The following SPPL3 variants were observed in gnomAD, a reference collection of about 807,000 sequenced individuals.
SPPL3 encodes the protein signal peptide peptidase-like 3.
A neutral mutation model predicts 42.4 loss-of-function variants in SPPL3; 5 were observed. The ratio of observed to expected loss-of-function variants is 0.12; its 90% CI spans 0.06 to 0.25. The LOEUF is 0.25. Among genes scored for constraint, SPPL3 ranks in the 10% least tolerant of loss-of-function variants. The pLI, the probability that SPPL3 is intolerant of heterozygous loss-of-function variation, is 1.00. For missense variants in SPPL3, 235 were observed against 489.0 expected (o/e 0.48, Z 4.90); for synonymous variants, 195 against 181.8 (o/e 1.07, Z -0.58).
rs3050392 is a variant in SPPL3, at chr12:120,789,824, C to CAAAAAAAAAA, written c.190+1635_190+1644dup. On this transcript the variant is annotated intron_variant, in intron 3 of 10. Coordinates refer to ENST00000353487, the MANE Select transcript of SPPL3 (RefSeq NM_139015.5). ...TGAATGACAGAGCAAGACTCCGTCT[C>CAAAAAAAAAA]AAAAAAAAAAAAAAAAAAAAAAAAA... Among the ~76,000 whole-genome samples, 278 of 30,456 alleles carry CAAAAAAAAAA rather than the reference C, an allele frequency of 9.1e-3. 38 individuals are homozygous for CAAAAAAAAAA. The highest frequency in any genetic ancestry group is 0.045 in the East Asian group (24 of 532). 20.0% of individuals were successfully genotyped at this position (30,456 alleles called of 152,430 possible).
At position 120,767,530 on chromosome 12, in the gene SPPL3, T is replaced by C. The variant is rs1318446459; in HGVS notation, c.837A>G (p.Leu279=). 26 of 1,614,078 alleles carry C rather than the reference T, an allele frequency of 1.6e-5. No homozygotes were observed. Among genetic ancestry groups the C allele is most frequent in the Non-Finnish European group, 2.1e-5 (25 of 1,180,038 alleles). ...IGDIVMPGLL[L]CFVLRYDNYK... is the part of the protein sequence containing the mutation. ...AGTTGTCATAGCGAAGGACAAAGCA[T>C]AGTAGGAGACCAGGCATAACGATGT... The change falls in exon 9 of 11, where the codon CTA becomes CTG. Residue 279 remains leucine (L), a synonymous_variant. Transcript: ENST00000353487.
intron 6 of SPPL3, among the ~76,000 whole-genome samples, chr12:120,771,900 C>CGCTCTACCCA (rs1247441278): frequency 6.6e-6 from 1 of 152,234 alleles, no homozygotes; most frequent in African/African-American, 2.4e-5. Context: ...GTTCTTTTCA[C>CGCTCTACCCA]GCTCTACCCA....
intron 1 of SPPL3, among the ~76,000 whole-genome samples, chr12:120,897,452 G>A (rs11065319): frequency 0.19 from 29,539 of 152,086 alleles, 4,526 homozygotes; most frequent in African/African-American, 0.41. Context: ...GGCCGGGAGC[G>A]GTGGCTCACA....
At chr12:120,890,554 A>G (rs1232860173) in intron 1 of SPPL3, among the ~76,000 whole-genome samples, 1 of 143,162 alleles carries the variant, frequency 7.0e-6, no homozygotes, top group African/African-American at 2.6e-5. Context: ...GCGCCATTGT[A>G]CTCCAGCCTG....
At chr12:120,871,131 A>AAAAAAAAAAAAAAAAAAAG (rs1872909564) in intron 1 of SPPL3, among the ~76,000 whole-genome samples, 1 of 69,406 alleles carries the variant, frequency 1.4e-5, no homozygotes, top group Non-Finnish European at 3.3e-5. Flanking sequence ...CTCCGTCTCC[A>AAAAAAAAAAAAAAAAAAAG]AAAAAAAAAA....
At chr12:120,837,614 G>A (rs142301662) in intron 1 of SPPL3, among the ~76,000 whole-genome samples, 89 of 152,030 alleles carry the variant, frequency 5.9e-4, no homozygotes, top group African/African-American at 1.8e-3. Flanking sequence ...TTATCAGAAG[G>A]GAATGCGATT....
chr12:120,902,176 C>A (rs1874002715), intron 1 of SPPL3, among the ~76,000 whole-genome samples: 1 of 152,214 alleles, frequency 6.6e-6, no homozygotes, highest in African/African-American at 2.4e-5. Flanking sequence ...TTAGCTTAAA[C>A]CTCTTTTTAG....
At chr12:120,885,426 C>T (rs1168956) in intron 1 of SPPL3, among the ~76,000 whole-genome samples, 36,426 of 152,008 alleles carry the variant, frequency 0.24, 5,558 homozygotes, top group Non-Finnish European at 0.35. Context: ...CAGGGTATAG[C>T]ATGTAAATTA....
chr12:120,828,672 G>A (rs781095681), intron 1 of SPPL3, among the ~76,000 whole-genome samples: 6 of 152,324 alleles, frequency 3.9e-5, no homozygotes, highest in Middle Eastern at 3.4e-3. Context: ...AGGAATACAC[G>A]TACTGTTCAA....
intron 1 of SPPL3, among the ~76,000 whole-genome samples, chr12:120,814,550 C>T (rs1030176140): frequency 2.0e-5 from 3 of 152,076 alleles, no homozygotes; most frequent in Non-Finnish European, 2.9e-5. Context: ...ATAATCTTTG[C>T]ACACATCTTC....
At chr12:120,842,197 G>A (rs192599166) in intron 1 of SPPL3, among the ~76,000 whole-genome samples, 22 of 152,250 alleles carry the variant, frequency 1.4e-4, no homozygotes, top group Admixed American at 2.6e-4. Flanking sequence ...ATAGAAAGTT[G>A]GCATTTTTTA....
At chr12:120,887,478 C>G (rs1343127665) in intron 1 of SPPL3, among the ~76,000 whole-genome samples, 1 of 152,140 alleles carries the variant, frequency 6.6e-6, no homozygotes, top group Non-Finnish European at 1.5e-5. Context: ...CACTCCTAGT[C>G]CCAAGCTTAC....
chr12:120,836,562 CT>C (rs34331497), intron 1 of SPPL3, among the ~76,000 whole-genome samples: 73,320 of 151,908 alleles, frequency 0.48, 17,863 homozygotes, highest in East Asian at 0.56. Context: ...AACTGAGCCC[CT>C]GCCCAAATGC....
intron 1 of SPPL3, among the ~76,000 whole-genome samples, chr12:120,834,116 A>C (rs1827185776): frequency 6.6e-6 from 1 of 152,184 alleles, no homozygotes; most frequent in Non-Finnish European, 1.5e-5. Context: ...CACAGTTAGA[A>C]CCAGTTTTAC....
Position 120,873,339 on chromosome 12 carries a change from C to G in SPPL3, c.23+30506G>C, listed in dbSNP as rs1872985187. 2.0e-5 allele frequency among the ~76,000 whole-genome samples: 3 copies of G among 151,950 alleles called. No individual in the cohort carries two copies. In the South Asian group the frequency reaches 6.3e-4, roughly 32 times the overall value. On this transcript the variant is annotated intron_variant, in intron 1 of 10. Transcript: ENST00000353487. ...GATCAAGTGGTCTAACACAGCTGAA[C>G]TAGAATACAGGAAGGGCAAAAGGGA...
At chr12:120,771,606 A>G (rs1869126583) in intron 6 of SPPL3, among the ~76,000 whole-genome samples, 1 of 152,030 alleles carries the variant, frequency 6.6e-6, no homozygotes, top group African/African-American at 2.4e-5. Flanking sequence ...AGGTTCCCCG[A>G]GAGCATGGCT....
intron 1 of SPPL3, among the ~76,000 whole-genome samples, chr12:120,840,186 G>T (rs1437279741): frequency 6.8e-6 from 1 of 147,058 alleles, no homozygotes. Flanking sequence ...GCTGAAGCAG[G>T]AGAAATGCTT....
chr12:120,820,507 G>A (rs553285997), intron 1 of SPPL3, among the ~76,000 whole-genome samples: 1 of 151,658 alleles, frequency 6.6e-6, no homozygotes, highest in Non-Finnish European at 1.5e-5. Flanking sequence ...TAGTAGAGAC[G>A]GGGTTTCACC....
intron 1 of SPPL3, among the ~76,000 whole-genome samples, chr12:120,832,565 C>T (rs993575496): frequency 6.6e-6 from 1 of 151,638 alleles, no homozygotes; most frequent in South Asian, 2.1e-4. Flanking sequence ...CCCAGCTACT[C>T]GGGAGGCTGA....
Sources: gnomAD v4.1 joint callset for allele counts (sites outside exome capture counted in the v4.1 genomes callset) on GRCh38, gnomAD v4.1.1 for gene constraint, MANE v1.5 for transcripts, NCBI Gene and HGNC (gene_info 2026-07-23, HGNC 2026-07-21) for gene names.